The following DPP4 variants were observed in gnomAD, a reference collection of about 807,000 sequenced individuals.
DPP4 encodes the protein dipeptidyl peptidase 4.
DPP4 carries 93 observed loss-of-function variants against 122.4 expected under a neutral mutation model. The ratio of observed to expected loss-of-function variants is 0.76; its 90% CI spans 0.64 to 0.90. The LOEUF is 0.90. Ranked by LOEUF, DPP4 falls within the 40% of genes least tolerant of loss-of-function variation. The pLI is 0.00. For missense variants in DPP4, 914 were observed against 907.3 expected, an observed-to-expected ratio of 1.01 and a Z score of -0.09; for synonymous variants, 321 against 302.9, an observed-to-expected ratio of 1.06 and a Z score of -0.62.
intron 5 of DPP4, among the ~76,000 whole-genome samples, chr2:162,043,817 C>T (rs1240506971): frequency 6.6e-6 from 1 of 152,086 alleles, no homozygotes; most frequent in East Asian, 1.9e-4. Context: ...CGTTTGAGGA[C>T]AGGAGTTTGA....
chr2:162,056,054 C>T (rs1379644679), intron 2 of DPP4, among the ~76,000 whole-genome samples: 1 of 152,154 alleles, frequency 6.6e-6, no homozygotes, highest in Non-Finnish European at 1.5e-5. Flanking sequence ...GTGCTTCCTT[C>T]CTCACCTCCT....
chr2:162,008,703 A>G, intron 21 of DPP4, 42 bp from the exon 22 acceptor site: 2 of 1,538,386 alleles, frequency 1.3e-6, no homozygotes, highest in Non-Finnish European at 1.8e-6. Flanking sequence ...GTAAAAGAAT[A>G]AGGACATATG....
intron 2 of DPP4, among the ~76,000 whole-genome samples, chr2:162,068,451 T>C (rs970785701): frequency 3.9e-5 from 6 of 152,206 alleles, no homozygotes; most frequent in African/African-American, 9.6e-5. Flanking sequence ...TTGATAGTCA[T>C]TGGAGCCAGC....
At chr2:162,030,045 C>T (rs1683487174) in intron 10 of DPP4, among the ~76,000 whole-genome samples, 1 of 152,192 alleles carries the variant, frequency 6.6e-6, no homozygotes, top group Admixed American at 6.5e-5. Flanking sequence ...CTACTACACA[C>T]TGGAGATACG....
intron 13 of DPP4, 50 bp downstream of exon 13, chr2:162,020,531 C>CA (rs373538683): frequency 0.13 from 129,269 of 1,000,632 alleles, 9 homozygotes; most frequent in Middle Eastern, 0.14. Flanking sequence ...AGTTGGTTTC[C>CA]AAAAAAAAAA....
chr2:161,992,621 G>A lies in DPP4; in HGVS notation c.*662C>T, dbSNP rs527333239. 3.3e-5 allele frequency: 5 copies of A among 152,682 alleles called. No individual in the cohort carries two copies. The highest frequency in any genetic ancestry group is 7.2e-5 in the African/African-American group (3 of 41,416). 9.5% of individuals were successfully genotyped at this position (152,682 alleles called of 1,614,324 possible). A position where few individuals can be genotyped will look rare whatever the true frequency, so the allele number is the denominator to read the frequency against. On this transcript the variant is annotated 3_prime_UTR_variant, in exon 26 of 26. Transcript: ENST00000360534. ...CCTATAGCCATAACTGGCACCTGGG[G>A]GCCTGCGTTGCTGGCAGTTTCCCTT...
chr2:162,024,050 G>C (rs1416508596), intron 11 of DPP4, among the ~76,000 whole-genome samples: 10 of 152,212 alleles, frequency 6.6e-5, no homozygotes, highest in Admixed American at 6.5e-4. Context: ...TGGGAGGTGA[G>C]AGTCTGCCCT....
chr2:161,993,136 T>G lies in DPP4; in HGVS notation c.*147A>C. On this transcript the variant is annotated 3_prime_UTR_variant, in exon 26 of 26. Transcript: ENST00000360534. The stretch of plus-strand genomic sequence containing the variant: ...AGAAGTCCCTACTTAAGATGATAGG[T>G]ATGAAATTTGGGAACAAAGGTAACC... The G allele has an allele frequency of 1.6e-6, 1 of 608,190 alleles. No homozygotes were observed. Among genetic ancestry groups the G allele is most frequent in the Non-Finnish European group, 2.9e-6 (1 of 341,644 alleles). The allele number at this position is 608,190 out of a possible 1,614,324, so 37.7% of individuals were successfully genotyped here.
At chr2:162,064,397 A>AT (rs1020387094) in intron 2 of DPP4, among the ~76,000 whole-genome samples, 6 of 152,044 alleles carry the variant, frequency 3.9e-5, no homozygotes, top group Non-Finnish European at 4.4e-5. Flanking sequence ...CATCAATTAG[A>AT]TTTTTTTTGC....
At chr2:162,039,240 C>T (rs189672264) in intron 5 of DPP4, 56 bp from the exon 6 acceptor site, 53 of 1,450,856 alleles carry the variant, frequency 3.7e-5, no homozygotes, top group Admixed American at 1.0e-4. Context: ...TTTGGCCACT[C>T]ACTATAGGAG....
intron 2 of DPP4, among the ~76,000 whole-genome samples, chr2:162,060,886 T>G (rs908875441): frequency 2.0e-5 from 3 of 150,866 alleles, no homozygotes; most frequent in African/African-American, 7.3e-5. Context: ...TCCCTCTTTC[T>G]TTCCTTCCTT....
intron 10 of DPP4, among the ~76,000 whole-genome samples, chr2:162,032,715 A>C (rs1009169392): frequency 7.3e-5 from 11 of 151,646 alleles, no homozygotes; most frequent in African/African-American, 2.4e-4. Context: ...ACAACAAAAA[A>C]AAAAACAGCA....
At chr2:162,026,892 T>C (rs1223960831) in intron 10 of DPP4, among the ~76,000 whole-genome samples, 2 of 152,186 alleles carry the variant, frequency 1.3e-5, no homozygotes, top group East Asian at 1.9e-4. Context: ...GAAAACTTTT[T>C]CAATTAAGGG....
chr2:162,005,689 G>A, intron 23 of DPP4, 56 bp downstream of exon 23: 2 of 1,428,484 alleles, frequency 1.4e-6, no homozygotes, highest in South Asian at 1.2e-5. Flanking sequence ...AATTAAGAAG[G>A]TTCTTAAACC....
At chr2:162,032,307 TGACTTTAAAGA>T (rs1683575443) in intron 10 of DPP4, 1 of 152,264 alleles carries the variant, frequency 6.6e-6, no homozygotes, top group African/African-American at 2.4e-5. Context: ...AAAGACAGAC[TGACTTTAAAGA>T]GTCCTAAGAT....
intron 20 of DPP4, among the ~76,000 whole-genome samples, chr2:162,010,937 G>A (rs2106088659): frequency 6.6e-6 from 1 of 152,066 alleles, no homozygotes; most frequent in South Asian, 2.1e-4. Context: ...CCATGCTGTT[G>A]GTTACAGAAA....
At position 162,069,106 on chromosome 2, in the gene DPP4, C is replaced by A. The variant is rs114344165; in HGVS notation, c.94+4293G>T. Among the ~76,000 whole-genome samples, 619 of 152,264 alleles carry A rather than the reference C, an allele frequency of 4.1e-3. 4 individuals are homozygous for A. Among genetic ancestry groups the A allele is most frequent in the African/African-American group, 0.014 (598 of 41,550 alleles). On this transcript the variant is annotated intron_variant, in intron 2 of 25. Transcript: ENST00000360534. ...TAATAAATATTTATTGTTTTAAGTT[C>A]TGAGGTAATTCATTATGCAATTACA...
chr2:162,033,399 T>C (rs1683633243), intron 10 of DPP4, 142 bp downstream of exon 10: 3 of 576,010 alleles, frequency 5.2e-6, no homozygotes, highest in Middle Eastern at 2.7e-4. Flanking sequence ...CAACAAAGAG[T>C]TGCTGAAGGA....
chr2:162,043,663 T>C (rs1338290279), intron 5 of DPP4, among the ~76,000 whole-genome samples: 2 of 152,190 alleles, frequency 1.3e-5, no homozygotes, highest in Non-Finnish European at 1.5e-5. Context: ...TGTTAGTCTT[T>C]AACATGGACA....
Sources: gnomAD v4.1 joint callset for allele counts (sites outside exome capture counted in the v4.1 genomes callset) on GRCh38, gnomAD v4.1.1 for gene constraint, MANE v1.5 for transcripts, NCBI Gene and HGNC (gene_info 2026-07-23, HGNC 2026-07-21) for gene names.